The following BNC2 variants were observed in gnomAD, a reference collection of about 807,000 sequenced individuals.
The protein encoded by BNC2 is basonuclin zinc finger protein 2, also known as zinc finger protein basonuclin-2.
Under a neutral mutation model 76.3 loss-of-function variants are expected in BNC2, and 20 were observed. The ratio of observed to expected loss-of-function variants is 0.26; its 90% CI spans 0.18 to 0.38. The LOEUF is 0.38. Among genes scored for constraint, BNC2 ranks in the 10% least tolerant of loss-of-function variants. The pLI is 1.00. For missense variants in BNC2, 1,382 were observed against 1,399.8 expected, an observed-to-expected ratio of 0.99 and a Z score of 0.20; for synonymous variants, 582 against 514.8, an observed-to-expected ratio of 1.13 and a Z score of -1.77.
rs35836794 is a variant in BNC2, at chr9:16,759,725, A to ATT, written c.4-21242_4-21241dup. Among the ~76,000 whole-genome samples, 598 of 141,478 alleles carry ATT rather than the reference A, an allele frequency of 4.2e-3. 4 individuals carry two copies. Among genetic ancestry groups the ATT allele is most frequent in the African/African-American group, 0.011 (419 of 38,842 alleles). 92.8% of individuals were successfully genotyped at this position (141,478 alleles called of 152,430 possible). A position where few individuals can be genotyped will look rare whatever the true frequency, so the allele number is the denominator to read the frequency against. ...ACCTCAATTTTTGGAGACATAAACTATTTTTTTTTTTTTTTTGACACAGAG... is the reference window on the plus strand; with the variant it reads ...ACCTCAATTTTTGGAGACATAAACTATTTTTTTTTTTTTTTTTTGACACAGAG... On this transcript the variant is annotated intron_variant, in intron 1 of 6. Coordinates refer to ENST00000380672, the MANE Select transcript of BNC2 (RefSeq NM_017637.6).
At chr9:16,828,802 C>A (rs891699323) in intron 1 of BNC2, among the ~76,000 whole-genome samples, 17 of 152,284 alleles carry the variant, frequency 1.1e-4, no homozygotes, top group Admixed American at 2.6e-4. Flanking sequence ...GGAGGAAGAT[C>A]GCCATAACAA....
chr9:16,627,393 T>C (rs1057239948), intron 3 of BNC2, among the ~76,000 whole-genome samples: 2 of 152,160 alleles, frequency 1.3e-5, no homozygotes, highest in African/African-American at 4.8e-5. Context: ...ACAGCAGCAA[T>C]GGCATTCATT....
chr9:16,771,791 G>C (rs1163839716), intron 1 of BNC2, among the ~76,000 whole-genome samples: 2 of 152,098 alleles, frequency 1.3e-5, no homozygotes, highest in East Asian at 3.9e-4. Flanking sequence ...CTAAATGACA[G>C]ATAAACTCCG....
chr9:16,409,813 G>T lies in BNC2; in HGVS notation c.*9176C>A, dbSNP rs751566326. 6.6e-6 allele frequency: 1 copy of T among 152,626 alleles called. No homozygotes were observed. The highest frequency in any genetic ancestry group is 1.5e-5 in the Non-Finnish European group (1 of 68,034). 9.5% of individuals were successfully genotyped at this position (152,626 alleles called of 1,614,324 possible). On this transcript the variant is annotated 3_prime_UTR_variant, in exon 7 of 7. Transcript: ENST00000380672. ...CCAACGTCACAATGATTAGATCAGG[G>T]TGATGCACACTGTCCCATCCCTTGG...
chr9:16,672,448 G>C (rs978214605), intron 3 of BNC2, among the ~76,000 whole-genome samples: 3 of 152,140 alleles, frequency 2.0e-5, no homozygotes, highest in Non-Finnish European at 4.4e-5. Context: ...AGTGAGCAGA[G>C]ATCGTGCCAC....
intron 1 of BNC2, among the ~76,000 whole-genome samples, chr9:16,761,072 G>T (rs947899118): frequency 1.6e-5 from 2 of 125,878 alleles, no homozygotes; most frequent in Non-Finnish European, 3.9e-5. Context: ...GAGCGGCCCC[G>T]TCTCTACAAA....
chr9:16,523,166 A>C (rs1037319411), intron 5 of BNC2, among the ~76,000 whole-genome samples: 1 of 152,202 alleles, frequency 6.6e-6, no homozygotes, highest in African/African-American at 2.4e-5. Context: ...ATAACACGGA[A>C]AGGGTTTTTA....
chr9:16,498,203 C>T (rs10962456), intron 5 of BNC2, among the ~76,000 whole-genome samples: 34,126 of 126,440 alleles, frequency 0.27, 6,439 homozygotes, highest in African/African-American at 0.48. Flanking sequence ...ATATATATTC[C>T]ATCATATATA....
intron 3 of BNC2, among the ~76,000 whole-genome samples, chr9:16,637,507 A>G (rs1236976159): frequency 6.6e-6 from 1 of 152,236 alleles, no homozygotes; most frequent in Admixed American, 6.5e-5. Flanking sequence ...CAAAATAACC[A>G]GTGTGTGATT....
At chr9:16,802,679 GGACCGAAGGGTTTTTGTAAGAACACACTA>G (rs1170663725) in intron 1 of BNC2, among the ~76,000 whole-genome samples, 2 of 152,176 alleles carry the variant, frequency 1.3e-5, no homozygotes, top group Non-Finnish European at 2.9e-5. Context: ...CCATAGACAA[GGACCGAAGGGTTTTTGTAAGAACACACTA>G]TTTGAAATTC....
At chr9:16,692,173 T>C (rs1423075195) in intron 3 of BNC2, among the ~76,000 whole-genome samples, 1 of 152,218 alleles carries the variant, frequency 6.6e-6, no homozygotes, top group Non-Finnish European at 1.5e-5. Context: ...GCAATCATTC[T>C]TGTAATACAT....
At chr9:16,649,944 G>A (rs138940008) in intron 3 of BNC2, among the ~76,000 whole-genome samples, 2 of 152,292 alleles carry the variant, frequency 1.3e-5, no homozygotes, top group Admixed American at 6.5e-5. Context: ...TTTTCAAAGT[G>A]TGGGCTAGGG....
At chr9:16,673,031 A>C (rs1269673314) in intron 3 of BNC2, among the ~76,000 whole-genome samples, 4 of 152,156 alleles carry the variant, frequency 2.6e-5, no homozygotes, top group Non-Finnish European at 5.9e-5. Context: ...ATCCCTGTTT[A>C]GTTTTGGGGG....
At chr9:16,546,003 C>G (rs560330353) in intron 5 of BNC2, among the ~76,000 whole-genome samples, 16 of 152,340 alleles carry the variant, frequency 1.1e-4, no homozygotes, top group Admixed American at 6.5e-5. Flanking sequence ...GATGTACTTA[C>G]TAAAACAACT....
At chr9:16,788,650 G>T (rs906776411) in intron 1 of BNC2, among the ~76,000 whole-genome samples, 1 of 151,824 alleles carries the variant, frequency 6.6e-6, no homozygotes, top group Admixed American at 6.6e-5. Context: ...GCAAATTCTT[G>T]GTGGTGATAT....
chr9:16,547,815 T>C (rs1171585178), intron 5 of BNC2, among the ~76,000 whole-genome samples: 1 of 152,070 alleles, frequency 6.6e-6, no homozygotes, highest in Admixed American at 6.5e-5. Context: ...GGTTATGAAG[T>C]GGGAAGGGTT....
chr9:16,543,963 A>G (rs1818398631), intron 5 of BNC2, among the ~76,000 whole-genome samples: 1 of 152,202 alleles, frequency 6.6e-6, no homozygotes, highest in South Asian at 2.1e-4. Flanking sequence ...TGCCAAAGAC[A>G]GGGGGATCCT....
At chr9:16,724,563 G>C (rs1019542484) in intron 3 of BNC2, among the ~76,000 whole-genome samples, 1 of 151,988 alleles carries the variant, frequency 6.6e-6, no homozygotes, top group African/African-American at 2.4e-5. Flanking sequence ...AAAATGTACA[G>C]GCACAGGAAA....
At chr9:16,529,014 C>A (rs1464307648) in intron 5 of BNC2, among the ~76,000 whole-genome samples, 1 of 152,168 alleles carries the variant, frequency 6.6e-6, no homozygotes, top group Non-Finnish European at 1.5e-5. Flanking sequence ...TTGCATGCCT[C>A]TCTCCTAGCT....
Sources: allele counts gnomAD v4.1 joint callset (sites outside exome capture counted in the v4.1 genomes callset), GRCh38; gene constraint gnomAD v4.1.1; transcripts MANE v1.5; gene names NCBI Gene and HGNC (gene_info 2026-07-23, HGNC 2026-07-21).